Variants in MGAT4C observed in about 807,000 individuals in gnomAD.
The protein encoded by MGAT4C is alpha-1,3-mannosyl-glycoprotein 4-beta-N-acetylglucosaminyltransferase C.
A neutral mutation model predicts 40.1 loss-of-function variants in MGAT4C; 19 were observed. The ratio of observed to expected loss-of-function variants is 0.47; its 90% CI spans 0.33 to 0.70. The LOEUF is 0.70. Ranked by LOEUF, MGAT4C falls within the 30% of genes least tolerant of loss-of-function variation. MGAT4C has a pLI of 0.02. For synonymous variants in MGAT4C, 181 were observed against 187.1 expected, an observed-to-expected ratio of 0.97 and a Z score of 0.27; for missense variants, 491 against 563.2, an observed-to-expected ratio of 0.87 and a Z score of 1.30.
chr12:86,481,861 C>G (rs1467215072), intron 2 of MGAT4C, among the ~76,000 whole-genome samples: 3 of 151,740 alleles, frequency 2.0e-5, no homozygotes, highest in Non-Finnish European at 2.9e-5. Flanking sequence ...AAGCAATTCT[C>G]CCATCTCAGC....
chr12:86,655,207 C>G (rs573015426), intron 2 of MGAT4C, among the ~76,000 whole-genome samples: 1 of 151,840 alleles, frequency 6.6e-6, no homozygotes, highest in Non-Finnish European at 1.5e-5. Flanking sequence ...CCCAATCGGC[C>G]CGGGTGTGTG....
intron 2 of MGAT4C, among the ~76,000 whole-genome samples, chr12:86,594,423 T>C (rs1961451902): frequency 6.6e-6 from 1 of 152,214 alleles, no homozygotes; most frequent in Non-Finnish European, 1.5e-5. Flanking sequence ...TTTATAATAC[T>C]CACCAGTTTC....
At chr12:86,251,948 C>T (rs1168699840) in intron 1 of MGAT4C, among the ~76,000 whole-genome samples, 1 of 151,988 alleles carries the variant, frequency 6.6e-6, no homozygotes, top group Non-Finnish European at 1.5e-5. Flanking sequence ...ATCAAAAACA[C>T]TATTAAAATT....
intron 1 of MGAT4C, among the ~76,000 whole-genome samples, chr12:86,784,166 C>G (rs894795219): frequency 1.3e-5 from 2 of 151,972 alleles, no homozygotes; most frequent in Non-Finnish European, 2.9e-5. Flanking sequence ...TCCCCTAGTA[C>G]GTAATTAGGA....
At position 86,246,755 on chromosome 12, in the gene MGAT4C, T is replaced by A. The variant is rs1952050214; in HGVS notation, c.-57+9484A>T. On this transcript the variant is annotated intron_variant, in intron 1 of 4. Transcript: ENST00000611864. ...TTGACAGTTCTGACCAGCAAGTCTTTATTCCTTTTCTGTTGTAAATTGCTT... is the reference window on the plus strand; with the variant it reads ...TTGACAGTTCTGACCAGCAAGTCTTAATTCCTTTTCTGTTGTAAATTGCTT... Among the ~76,000 whole-genome samples the A allele has an allele frequency of 2.0e-5, 3 of 152,216 alleles. No individual in the cohort carries two copies. The South Asian group carries it at 6.2e-4, about 31-fold the overall frequency.
chr12:86,782,078 C>T (rs578055604), intron 1 of MGAT4C, among the ~76,000 whole-genome samples: 8 of 151,296 alleles, frequency 5.3e-5, no homozygotes, highest in Non-Finnish European at 4.4e-5. Flanking sequence ...CTGCAAGCTC[C>T]GCTTCCCGGG....
intron 1 of MGAT4C, among the ~76,000 whole-genome samples, chr12:86,103,003 T>C (rs1009262389): frequency 2.0e-5 from 3 of 152,276 alleles, no homozygotes; most frequent in Admixed American, 2.0e-4. Flanking sequence ...AGAAATACAT[T>C]CCTAATATTA....
rs183008753 is a variant in MGAT4C, at chr12:86,253,889, A to C, written c.-57+2350T>G. 9.2e-5 allele frequency among the ~76,000 whole-genome samples: 14 copies of C among 152,128 alleles called. No homozygotes were observed. The East Asian group carries it at 9.7e-4, about 10-fold the overall frequency. Reference sequence around the variant, plus strand: ...ATTCTAGGAAAGTGTTAAAATATACAAAAGAGTATTATTTTGCAATAGGTA... The same window carrying C: ...ATTCTAGGAAAGTGTTAAAATATACCAAAGAGTATTATTTTGCAATAGGTA... On this transcript the variant is annotated intron_variant, in intron 1 of 4. Transcript: ENST00000611864.
chr12:86,835,964 C>T (rs969021461), intron 1 of MGAT4C, among the ~76,000 whole-genome samples: 2 of 151,678 alleles, frequency 1.3e-5, no homozygotes, highest in Non-Finnish European at 2.9e-5. Context: ...AAAATATGTA[C>T]CATTTATTGA....
intron 1 of MGAT4C, among the ~76,000 whole-genome samples, chr12:86,126,686 T>C (rs1419895930): frequency 6.6e-6 from 1 of 152,186 alleles, no homozygotes; most frequent in Non-Finnish European, 1.5e-5. Flanking sequence ...TTAAAAATAA[T>C]AGCAGATATA....
At chr12:86,684,142 G>T (rs1385844893) in intron 2 of MGAT4C, among the ~76,000 whole-genome samples, 1 of 152,048 alleles carries the variant, frequency 6.6e-6, no homozygotes, top group African/African-American at 2.4e-5. Flanking sequence ...TTGGGAGGCC[G>T]AGGCGGGCAG....
At chr12:86,313,043 GCATGTT>G (rs1954119173) in intron 4 of MGAT4C, among the ~76,000 whole-genome samples, 1 of 152,118 alleles carries the variant, frequency 6.6e-6, no homozygotes, top group African/African-American at 2.4e-5. Context: ...AGCCCACTCT[GCATGTT>G]TTAATAGTGT....
At chr12:86,698,678 TG>T (rs202031103) in intron 2 of MGAT4C, among the ~76,000 whole-genome samples, 281 of 150,850 alleles carry the variant, frequency 1.9e-3, no homozygotes, top group African/African-American at 6.1e-3. Context: ...AGCTGAGCTG[TG>T]GGGGGGGTGG....
chr12:86,112,359 C>G (rs1026932176), intron 1 of MGAT4C, among the ~76,000 whole-genome samples: 2 of 151,278 alleles, frequency 1.3e-5, no homozygotes, highest in African/African-American at 4.8e-5. Context: ...ATGAGACGTA[C>G]TTAATGTCCT....
intron 2 of MGAT4C, among the ~76,000 whole-genome samples, chr12:86,522,406 T>C (rs1278127741): frequency 6.6e-6 from 1 of 152,202 alleles, no homozygotes; most frequent in Non-Finnish European, 1.5e-5. Context: ...ATCACATTTA[T>C]TGATTTGCAT....
chr12:86,028,948 A>C (rs1306131206), intron 2 of MGAT4C, among the ~76,000 whole-genome samples: 2 of 151,902 alleles, frequency 1.3e-5, no homozygotes, highest in Non-Finnish European at 2.9e-5. Flanking sequence ...ATCAAACTGG[A>C]GTAGTATGCA....
rs957801344 is a variant in MGAT4C, at chr12:85,962,402, TTAATTATA to T, written c.*16879_*16886del. 238 of 148,016 alleles carry T rather than the reference TTAATTATA, an allele frequency of 1.6e-3. 2 individuals carry two copies. Among genetic ancestry groups the T allele is most frequent in the Admixed American group, 4.0e-3 (59 of 14,734 alleles). The allele number at this position is 148,016 out of a possible 1,614,324, so 9.2% of individuals were successfully genotyped here. ...CATCCAATGAAGTAAAATTATATAA[TTAATTATA>T]TAATTATATAATTATATAAAATTTT... On this transcript the variant is annotated 3_prime_UTR_variant, in exon 5 of 5. Transcript: ENST00000611864.
At chr12:86,224,060 G>C (rs577175772) in intron 1 of MGAT4C, among the ~76,000 whole-genome samples, 253 of 152,214 alleles carry the variant, frequency 1.7e-3, no homozygotes, top group African/African-American at 5.9e-3. Context: ...GAATTGGCCC[G>C]TGTGTACCTA....
chr12:86,615,426 A>G (rs1962417906), intron 2 of MGAT4C, among the ~76,000 whole-genome samples: 1 of 152,078 alleles, frequency 6.6e-6, no homozygotes, highest in Non-Finnish European at 1.5e-5. Flanking sequence ...ACCTTGAAAC[A>G]GCAAATATCT....
Sources: gnomAD v4.1 joint callset for allele counts (sites outside exome capture counted in the v4.1 genomes callset) on GRCh38, gnomAD v4.1.1 for gene constraint, MANE v1.5 for transcripts, NCBI Gene and HGNC (gene_info 2026-07-23, HGNC 2026-07-21) for gene names.